The following STK32C variants were observed in gnomAD, a reference collection of about 807,000 sequenced individuals.
The protein encoded by STK32C is serine/threonine-protein kinase 32C.
STK32C carries 31 observed loss-of-function variants against 56.5 expected under a neutral mutation model. That is an observed-to-expected ratio of 0.55 (90% CI 0.41 to 0.74). STK32C has a LOEUF of 0.74. Among genes scored for constraint, STK32C ranks in the 30% least tolerant of loss-of-function variants. The probability of loss-of-function intolerance (pLI) is 0.00; values close to 1 mark genes in which losing one functional copy is unlikely to be tolerated. For missense variants in STK32C, 544 were observed against 676.9 expected (o/e 0.80, Z 2.18); for synonymous variants, 309 against 289.4 (o/e 1.07, Z -0.69).
chr10:132,234,573 T>C (rs980525939), intron 2 of STK32C, among the ~76,000 whole-genome samples: 1 of 152,240 alleles, frequency 6.6e-6, no homozygotes, highest in African/African-American at 2.4e-5. Context: ...CTCCACACCC[T>C]GCATCCTGTG....
chr10:132,240,274 G>A (rs929835534), intron 2 of STK32C, among the ~76,000 whole-genome samples: 1 of 152,236 alleles, frequency 6.6e-6, no homozygotes, highest in Non-Finnish European at 1.5e-5. Flanking sequence ...CGATGGATGA[G>A]GAACCCTCAG....
chr10:132,223,884 G>C (rs1387479926), intron 8 of STK32C, among the ~76,000 whole-genome samples: 2 of 152,232 alleles, frequency 1.3e-5, no homozygotes, highest in Non-Finnish European at 2.9e-5. Context: ...CCTAGCACCA[G>C]ATCACAAATG....
At chr10:132,225,929 G>C in intron 4 of STK32C, 145 bp from the exon 5 acceptor site, 4 of 1,075,670 alleles carry the variant, frequency 3.7e-6, no homozygotes, top group Non-Finnish European at 5.5e-6. Context: ...GTCCTTGGAT[G>C]ATGCTAGGAC....
intron 1 of STK32C, among the ~76,000 whole-genome samples, chr10:132,270,919 C>G (rs985220518): frequency 1.3e-5 from 2 of 150,626 alleles, no homozygotes; most frequent in African/African-American, 5.0e-5. Flanking sequence ...TGCAGCCCCC[C>G]TCCAGAGCAA....
rs2138412404 is a variant in STK32C at position 132,307,774 on chromosome 10, G to A, written c.60C>T (p.Pro20=). 8 of 996,060 alleles carry A rather than the reference G, an allele frequency of 8.0e-6. No homozygotes were observed. The highest frequency in any genetic ancestry group is 4.5e-5 in the South Asian group (1 of 22,224). 61.7% of individuals were successfully genotyped at this position (996,060 alleles called of 1,614,324 possible). The change falls in exon 1 of 12, where the codon CCC becomes CCT. Residue 20 remains proline (P), a synonymous_variant. Coordinates refer to ENST00000298630, the MANE Select transcript of STK32C (RefSeq NM_173575.4). The surrounding 1 kb of genome is among the most constrained non-coding windows in gnomAD (Gnocchi z 4.4). ...SSAAASPGSP[P]PGRARPAGSD... ...AGCCGGCGGGGCGCGCGCGGCCGGG[G>A]GGCGGCGAGCCCGGGGACGCCGCGG...
chr10:132,266,376 C>T (rs2064528100), intron 1 of STK32C, among the ~76,000 whole-genome samples: 1 of 152,174 alleles, frequency 6.6e-6, no homozygotes, highest in Admixed American at 6.5e-5. Context: ...GGACAACGTT[C>T]TCTGTCTCCA....
intron 1 of STK32C, among the ~76,000 whole-genome samples, chr10:132,283,418 T>C (rs987956986): frequency 2.0e-5 from 3 of 152,146 alleles, no homozygotes; most frequent in African/African-American, 7.2e-5. Flanking sequence ...CACGCCCCCC[T>C]CACCGTGCGA....
chr10:132,225,345 C>T lies in STK32C; in HGVS notation c.773-9G>A, dbSNP rs1565077566. 1 of 1,604,504 alleles carries T rather than the reference C, an allele frequency of 6.2e-7. No homozygotes were observed. The highest frequency in any genetic ancestry group is 1.1e-5 in the South Asian group (1 of 89,964). Reference sequence around the variant, plus strand: ...GTGGAAGATCTCCGGAGCTTTCCGACAGAAAGAAGGAAAAACAGCTGCCAC... The same window carrying T: ...GTGGAAGATCTCCGGAGCTTTCCGATAGAAAGAAGGAAAAACAGCTGCCAC... On this transcript the variant is annotated splice_polypyrimidine_tract_variant and intron_variant, in intron 6 of 11. Coordinates refer to ENST00000298630, the MANE Select transcript of STK32C (RefSeq NM_173575.4).
At chr10:132,270,373 C>A (rs1037448235) in intron 1 of STK32C, among the ~76,000 whole-genome samples, 2 of 152,356 alleles carry the variant, frequency 1.3e-5, no homozygotes, top group East Asian at 1.9e-4. Flanking sequence ...AAGTGAAGCA[C>A]GGGCCCACGC....
chr10:132,256,632 G>C (rs1413888366), intron 1 of STK32C, among the ~76,000 whole-genome samples: 2 of 152,154 alleles, frequency 1.3e-5, no homozygotes, highest in Non-Finnish European at 2.9e-5. Context: ...GGAGAGGTGG[G>C]CAGCAGCACC....
intron 1 of STK32C, among the ~76,000 whole-genome samples, chr10:132,280,886 T>C (rs1244200063): frequency 7.0e-5 from 10 of 143,178 alleles, no homozygotes; most frequent in Admixed American, 7.0e-5. Context: ...GCCCCTGCAC[T>C]CCGTGACCAC....
chr10:132,230,689 G>GC (rs1263104768), intron 2 of STK32C, among the ~76,000 whole-genome samples: 1 of 144,164 alleles, frequency 6.9e-6, no homozygotes, highest in Non-Finnish European at 1.5e-5. Flanking sequence ...CGGGGGGGGG[G>GC]GGGCTGCAGA....
At chr10:132,238,122 A>G (rs35368895) in intron 2 of STK32C, among the ~76,000 whole-genome samples, 9,131 of 152,050 alleles carry the variant, frequency 0.06, 347 homozygotes, top group South Asian at 0.12. Context: ...TGGCGGGGGA[A>G]CTTCCTCCCA....
chr10:132,272,308 G>A (rs1362453701), intron 1 of STK32C, among the ~76,000 whole-genome samples: 2 of 152,250 alleles, frequency 1.3e-5, no homozygotes, highest in Non-Finnish European at 2.9e-5. Flanking sequence ...GGCCTCAGAG[G>A]CAGCCAACCC....
chr10:132,255,038 C>T lies in STK32C; in HGVS notation c.263-9083G>A, dbSNP rs886525488. On this transcript the variant is annotated intron_variant, in intron 1 of 11. Coordinates refer to ENST00000298630, the MANE Select transcript of STK32C (RefSeq NM_173575.4). The surrounding 1 kb of genome is among the most constrained non-coding windows in gnomAD (Gnocchi z 4.6). ...CAAGTGTCCTCAGGCAGAACCAGCCCGTTCACCAATGGGAGGATTGCACAG... is the reference window on the plus strand; with the variant it reads ...CAAGTGTCCTCAGGCAGAACCAGCCTGTTCACCAATGGGAGGATTGCACAG... Among the ~76,000 whole-genome samples the T allele has an allele frequency of 4.6e-5, 7 of 152,138 alleles. No individual in the cohort carries two copies. The highest frequency in any genetic ancestry group is 4.1e-4 in the South Asian group (2 of 4,832).
intron 5 of STK32C, 38 bp downstream of exon 5, chr10:132,225,709 A>AC: frequency 6.2e-7 from 1 of 1,613,488 alleles, no homozygotes; most frequent in Non-Finnish European, 8.5e-7. Flanking sequence ...CATCCCTGCC[A>AC]CCACCCACCT....
chr10:132,283,623 C>T (rs920754326), intron 1 of STK32C, among the ~76,000 whole-genome samples: 2 of 152,146 alleles, frequency 1.3e-5, no homozygotes, highest in African/African-American at 2.4e-5. Flanking sequence ...GGTCTGGGCC[C>T]GGTTTTGGGG....
Position 132,225,581 on chromosome 10 carries a change from T to C in STK32C, c.718A>G (p.Ile240Val), listed in dbSNP as rs1247950152. The change falls in exon 6 of 12, where the codon ATC becomes GTC. Residue 240 changes from isoleucine to valine, a missense_variant. Coordinates refer to ENST00000298630, the MANE Select transcript of STK32C (RefSeq NM_173575.4). ...AHLTDFNIAT[I>V]IKDGERATAL... ...GTCGCCCGCTCCCCGTCCTTGATGA[T>C]GGTGGCAATGTTGAAGTCGGTCAGG... 1 of 1,613,796 alleles carries C rather than the reference T, an allele frequency of 6.2e-7. No homozygotes were observed. The highest frequency in any genetic ancestry group is 8.5e-7 in the Non-Finnish European group (1 of 1,179,880).
chr10:132,324,906 C>CAGGAGAGATGCAGGAGAGTG (rs1413533695), intron 1 of STK32C, among the ~76,000 whole-genome samples: 2 of 152,320 alleles, frequency 1.3e-5, no homozygotes, highest in East Asian at 1.9e-4. Flanking sequence ...AGTGACCTTA[C>CAGGAGAGATGCAGGAGAGTG]AGGTCATAGG....
Sources: gnomAD v4.1 joint callset for allele counts (sites outside exome capture counted in the v4.1 genomes callset) on GRCh38, gnomAD v4.1.1 for gene constraint, Gnocchi (gnomAD v3.1) non-coding constraint, MANE v1.5 for transcripts, NCBI Gene and HGNC (gene_info 2026-07-23, HGNC 2026-07-21) for gene names.